The following MCTP1 variants were observed in gnomAD, a reference collection of about 807,000 sequenced individuals.
MCTP1 encodes multiple C2 and transmembrane domain containing 1.
Under a neutral mutation model 120.6 loss-of-function variants are expected in MCTP1, and 69 were observed. That is an observed-to-expected ratio of 0.57 (90% CI 0.47 to 0.70). MCTP1 has a LOEUF of 0.70. MCTP1 is among the 30% of genes least tolerant of loss of function. The probability of loss-of-function intolerance (pLI) is 0.00; values close to 1 mark genes in which losing one functional copy is unlikely to be tolerated. For missense variants in MCTP1, 1,203 were observed against 1,248.8 expected (o/e 0.96, Z 0.55); for synonymous variants, 529 against 493.1 (o/e 1.07, Z -0.96).
At chr5:94,822,900 G>A (rs1786009291) in intron 17 of MCTP1, among the ~76,000 whole-genome samples, 1 of 151,778 alleles carries the variant, frequency 6.6e-6, no homozygotes, top group African/African-American at 2.4e-5. Context: ...TTTTTGATGG[G>A]GTTTTTTCTT....
At chr5:94,725,692 C>T (rs796098288) in intron 19 of MCTP1, among the ~76,000 whole-genome samples, 7 of 152,276 alleles carry the variant, frequency 4.6e-5, no homozygotes, top group African/African-American at 1.7e-4. Flanking sequence ...AACTGGCTCT[C>T]TTGCTAAGTA....
intron 19 of MCTP1, 65 bp downstream of exon 19, chr5:94,779,045 T>C: frequency 1.4e-6 from 2 of 1,416,384 alleles, no homozygotes; most frequent in Non-Finnish European, 2.0e-6. Flanking sequence ...TAACTGTCTG[T>C]GAAAACAGTG....
chr5:94,843,261 A>G (rs1049405231), intron 17 of MCTP1, among the ~76,000 whole-genome samples: 29 of 152,148 alleles, frequency 1.9e-4, no homozygotes, highest in African/African-American at 6.5e-4. Context: ...AGACACGTTC[A>G]CAAAGAATTA....
intron 1 of MCTP1, among the ~76,000 whole-genome samples, chr5:95,050,198 T>C (rs1745530649): frequency 6.6e-6 from 1 of 151,318 alleles, no homozygotes; most frequent in South Asian, 2.1e-4. Flanking sequence ...ATTCAGAAAA[T>C]TAAAAAAAAA....
intron 2 of MCTP1, among the ~76,000 whole-genome samples, chr5:94,989,585 G>C (rs1156894332): frequency 6.6e-6 from 1 of 152,142 alleles, no homozygotes; most frequent in East Asian, 1.9e-4. Context: ...AAGCTTCTAA[G>C]ACCTTTGGAA....
intron 10 of MCTP1, among the ~76,000 whole-genome samples, chr5:94,906,944 G>A (rs909604196): frequency 6.6e-6 from 1 of 152,258 alleles, no homozygotes; most frequent in African/African-American, 2.4e-5. Flanking sequence ...AAGGACAGAT[G>A]ATTATGATGA....
chr5:95,138,787 T>C (rs1759662827), intron 1 of MCTP1, among the ~76,000 whole-genome samples: 1 of 152,226 alleles, frequency 6.6e-6, no homozygotes, highest in African/African-American at 2.4e-5. Context: ...ATTTAGGGTG[T>C]TGTCACTGCC....
chr5:94,782,966 G>A (rs911622120), intron 18 of MCTP1, among the ~76,000 whole-genome samples: 3 of 151,998 alleles, frequency 2.0e-5, no homozygotes, highest in Non-Finnish European at 4.4e-5. Flanking sequence ...CTGATACCTC[G>A]CTTGAAAGCA....
chr5:95,012,163 A>G (rs1836122766), intron 2 of MCTP1, among the ~76,000 whole-genome samples: 2 of 152,070 alleles, frequency 1.3e-5, no homozygotes, highest in South Asian at 4.1e-4. Context: ...TTATTTCTAG[A>G]TATCTGTATA....
At chr5:94,813,559 A>G (rs1196326504) in intron 17 of MCTP1, among the ~76,000 whole-genome samples, 1 of 152,202 alleles carries the variant, frequency 6.6e-6, no homozygotes, top group Non-Finnish European at 1.5e-5. Context: ...AACAATCCAA[A>G]TGTTTATCAT....
intron 11 of MCTP1, 35 bp downstream of exon 11, chr5:94,894,614 A>T (rs768738468): frequency 4.1e-6 from 6 of 1,468,400 alleles, no homozygotes; most frequent in Non-Finnish European, 5.6e-6. Context: ...ATCTAGTCAC[A>T]TGTGTCTCTG....
chr5:94,937,750 A>G (rs1002075945), intron 5 of MCTP1, among the ~76,000 whole-genome samples: 1 of 151,896 alleles, frequency 6.6e-6, no homozygotes, highest in African/African-American at 2.4e-5. Context: ...GCTCCCTCAA[A>G]CCCTCAGTTT....
At chr5:95,230,686 C>T (rs1754832474) in intron 1 of MCTP1, among the ~76,000 whole-genome samples, 1 of 152,182 alleles carries the variant, frequency 6.6e-6, no homozygotes, top group Non-Finnish European at 1.5e-5. Flanking sequence ...ATAACTCCCA[C>T]ATGTTTAGCG....
intron 1 of MCTP1, among the ~76,000 whole-genome samples, chr5:95,254,005 T>G (rs563383933): frequency 1.3e-5 from 2 of 152,276 alleles, no homozygotes; most frequent in East Asian, 3.9e-4. Flanking sequence ...CTTTTATCAC[T>G]GCTAAAAATT....
Position 94,909,308 on chromosome 5 carries a change from ACTC to A in MCTP1, c.1592_1594del (p.Gly531del), listed in dbSNP as rs749032818. ...TTTGTCCCATGCAGTGATATCAATG[ACTC>A]CTCCTCTTTCTTCATAAAGGTGAAA... On this transcript the variant is annotated inframe_deletion, in exon 10 of 23. Transcript: ENST00000515393. 2.5e-6 allele frequency: 4 copies of A among 1,608,398 alleles called. No individual in the cohort carries two copies. Among genetic ancestry groups the A allele is most frequent in the East Asian group, 2.2e-5 (1 of 44,506 alleles).
At chr5:95,034,476 G>C (rs1840883961) in intron 1 of MCTP1, among the ~76,000 whole-genome samples, 1 of 151,976 alleles carries the variant, frequency 6.6e-6, no homozygotes, top group Admixed American at 6.6e-5. Context: ...AATGGGGAAA[G>C]AACACTCTAT....
intron 1 of MCTP1, among the ~76,000 whole-genome samples, chr5:95,022,480 ATGTCATATT>A (rs1355732940): frequency 3.3e-5 from 5 of 152,156 alleles, no homozygotes; most frequent in Non-Finnish European, 7.4e-5. Context: ...TCTATCTCAA[ATGTCATATT>A]TGTCATTTTA....
chr5:95,219,347 A>G (rs1418515496), intron 1 of MCTP1, among the ~76,000 whole-genome samples: 1 of 148,336 alleles, frequency 6.7e-6, no homozygotes, highest in Non-Finnish European at 1.5e-5. Flanking sequence ...GCGTCACTGC[A>G]CTCCAGCCTG....
intron 1 of MCTP1, among the ~76,000 whole-genome samples, chr5:95,166,725 G>T (rs377400272): frequency 6.6e-6 from 1 of 151,756 alleles, no homozygotes; most frequent in African/African-American, 2.4e-5. Flanking sequence ...CCACCACCAC[G>T]CCTGGCTAAT....
Sources: allele counts gnomAD v4.1 joint callset (sites outside exome capture counted in the v4.1 genomes callset), GRCh38; gene constraint gnomAD v4.1.1; transcripts MANE v1.5; gene names NCBI Gene and HGNC (gene_info 2026-07-23, HGNC 2026-07-21).